Variants in TRPC4 observed in about 807,000 individuals in gnomAD.
The protein encoded by TRPC4 is short transient receptor potential channel 4.
TRPC4 carries 49 observed loss-of-function variants against 99.4 expected under a neutral mutation model. The ratio of observed to expected loss-of-function variants is 0.49; its 90% CI spans 0.39 to 0.63. The LOEUF (loss-of-function observed/expected upper bound fraction) is 0.63. TRPC4 is among the 20% of genes least tolerant of loss of function. TRPC4 has a pLI of 0.00. For missense variants in TRPC4, 898 were observed against 1,152.9 expected, an observed-to-expected ratio of 0.78 and a Z score of 3.20; for synonymous variants, 454 against 425.9, an observed-to-expected ratio of 1.07 and a Z score of -0.81.
intron 5 of TRPC4, among the ~76,000 whole-genome samples, chr13:37,667,921 G>A (rs921030327): frequency 6.6e-6 from 1 of 152,154 alleles, no homozygotes; most frequent in Non-Finnish European, 1.5e-5. Flanking sequence ...CATTCATCAA[G>A]TATACATGAG....
intron 3 of TRPC4, among the ~76,000 whole-genome samples, chr13:37,699,058 T>C (rs1954016723): frequency 6.6e-6 from 1 of 152,116 alleles, no homozygotes; most frequent in Admixed American, 6.5e-5. Context: ...CCCATTGGGA[T>C]TTGAATCTTG....
chr13:37,673,607 A>T (rs1368702414), intron 5 of TRPC4, among the ~76,000 whole-genome samples: 1 of 152,134 alleles, frequency 6.6e-6, no homozygotes, highest in Non-Finnish European at 1.5e-5. Flanking sequence ...AAAGTACAAA[A>T]TAATCCCAAT....
intron 1 of TRPC4, among the ~76,000 whole-genome samples, chr13:37,852,298 A>G (rs905494607): frequency 6.6e-6 from 1 of 152,170 alleles, no homozygotes; most frequent in African/African-American, 2.4e-5. Flanking sequence ...ACTCAGCCAC[A>G]GTAGGAGAGG....
chr13:37,741,202 T>C (rs1955579967), intron 3 of TRPC4, among the ~76,000 whole-genome samples: 1 of 152,180 alleles, frequency 6.6e-6, no homozygotes. Flanking sequence ...CGGAAGGTCT[T>C]TGCTGTAAAA....
At chr13:37,749,706 A>G (rs1955879810) in intron 2 of TRPC4, among the ~76,000 whole-genome samples, 1 of 152,086 alleles carries the variant, frequency 6.6e-6, no homozygotes, top group African/African-American at 2.4e-5. Context: ...TTCTACATTT[A>G]TTATATTGCA....
At chr13:37,674,864 G>A (rs960469834) in intron 4 of TRPC4, among the ~76,000 whole-genome samples, 3 of 151,992 alleles carry the variant, frequency 2.0e-5, no homozygotes, top group African/African-American at 7.2e-5. Context: ...AGAAATGATG[G>A]TTATAGCATT....
At chr13:37,689,176 C>G (rs979535783) in intron 4 of TRPC4, among the ~76,000 whole-genome samples, 1 of 152,134 alleles carries the variant, frequency 6.6e-6, no homozygotes, top group Non-Finnish European at 1.5e-5. Context: ...TACAGGGGGA[C>G]TTTAGATGTC....
At chr13:37,797,254 A>G (rs1957281208) in intron 1 of TRPC4, among the ~76,000 whole-genome samples, 1 of 152,132 alleles carries the variant, frequency 6.6e-6, no homozygotes, top group Non-Finnish European at 1.5e-5. Context: ...ATCTGTTCTC[A>G]CCACAACTCC....
At chr13:37,668,648 T>C (rs1952731653) in intron 5 of TRPC4, among the ~76,000 whole-genome samples, 1 of 152,114 alleles carries the variant, frequency 6.6e-6, no homozygotes, top group African/African-American at 2.4e-5. Flanking sequence ...GTTTATTGAA[T>C]GTAGGAAAAT....
chr13:37,681,464 T>C (rs1953237013), intron 4 of TRPC4, among the ~76,000 whole-genome samples: 1 of 152,198 alleles, frequency 6.6e-6, no homozygotes, highest in Non-Finnish European at 1.5e-5. Context: ...TCTTTTTTTT[T>C]TGTTATTGTT....
chr13:37,764,167 A>T (rs1457786547), intron 2 of TRPC4, among the ~76,000 whole-genome samples: 2 of 151,492 alleles, frequency 1.3e-5, no homozygotes, highest in Non-Finnish European at 3.0e-5. Context: ...TGCAAGGGAG[A>T]CTCAGATTTC....
Position 37,754,252 on chromosome 13 carries a change from T to C in TRPC4, c.379-7797A>G, listed in dbSNP as rs370154401. On this transcript the variant is annotated intron_variant, in intron 2 of 10. Coordinates refer to ENST00000379705, the MANE Select transcript of TRPC4 (RefSeq NM_016179.4). ...ATTCAATGTCTCCCATACGCAACTC[T>C]TCCTCCTTCCTTTTGTGGTTCCATT... 5.9e-5 allele frequency among the ~76,000 whole-genome samples: 9 copies of C among 152,246 alleles called. No homozygotes were observed. The East Asian group carries it at 9.7e-4, about 16-fold the overall frequency.
At chr13:37,787,431 A>G (rs1345273544) in intron 1 of TRPC4, among the ~76,000 whole-genome samples, 1 of 152,126 alleles carries the variant, frequency 6.6e-6, no homozygotes, top group Non-Finnish European at 1.5e-5. Context: ...TTGTTCTAAT[A>G]TATTATCTCA....
At chr13:37,779,330 C>T (rs1480866300) in intron 2 of TRPC4, among the ~76,000 whole-genome samples, 1 of 151,800 alleles carries the variant, frequency 6.6e-6, no homozygotes, top group Non-Finnish European at 1.5e-5. Context: ...TCATCAGAGA[C>T]TATCAGTGCA....
chr13:37,686,359 T>A (rs1354543786), intron 4 of TRPC4, among the ~76,000 whole-genome samples: 1 of 152,088 alleles, frequency 6.6e-6, no homozygotes, highest in Non-Finnish European at 1.5e-5. Context: ...TGTCTGTATG[T>A]ACCTATATAC....
At chr13:37,694,632 AT>A (rs949087234) in intron 3 of TRPC4, among the ~76,000 whole-genome samples, 24 of 152,168 alleles carry the variant, frequency 1.6e-4, no homozygotes, top group East Asian at 5.8e-4. Context: ...TTTTTTATTT[AT>A]TTTTTTTCTT....
chr13:37,646,410 G>A (rs1289724820), intron 8 of TRPC4, among the ~76,000 whole-genome samples: 1 of 152,110 alleles, frequency 6.6e-6, no homozygotes, highest in Non-Finnish European at 1.5e-5. Flanking sequence ...ATTTCATTTA[G>A]AAACCTAGTC....
At chr13:37,851,192 A>C (rs1959044552) in intron 1 of TRPC4, among the ~76,000 whole-genome samples, 1 of 152,238 alleles carries the variant, frequency 6.6e-6, no homozygotes, top group Non-Finnish European at 1.5e-5. Context: ...TTTTAAAATT[A>C]GTCTCCAGTC....
chr13:37,799,040 T>C (rs2139422927), intron 1 of TRPC4, among the ~76,000 whole-genome samples: 1 of 151,856 alleles, frequency 6.6e-6, no homozygotes, highest in East Asian at 1.9e-4. Flanking sequence ...CACGCCATTC[T>C]CCTGCCTCAG....
Sources: allele counts gnomAD v4.1 joint callset (sites outside exome capture counted in the v4.1 genomes callset), GRCh38; gene constraint gnomAD v4.1.1; transcripts MANE v1.5; gene names NCBI Gene and HGNC (gene_info 2026-07-23, HGNC 2026-07-21).